Variants in LYRM4 observed in about 807,000 individuals in gnomAD.
LYRM4 encodes the protein LYR motif containing 4, also known as LYR motif-containing protein 4.
A neutral mutation model predicts 11.7 loss-of-function variants in LYRM4; 9 were observed. That is an observed-to-expected ratio of 0.77 (90% CI 0.46 to 1.34). The LOEUF (loss-of-function observed/expected upper bound fraction) is 1.34. Ranked by LOEUF, LYRM4 falls within the 40% of genes most tolerant of loss-of-function variation. The pLI is 0.00. For synonymous variants in LYRM4, 42 were observed against 40.4 expected, an observed-to-expected ratio of 1.04 and a Z score of -0.15; for missense variants, 133 against 112.5, an observed-to-expected ratio of 1.18 and a Z score of -0.82.
At chr6:5,116,952 G>A (rs2127597768) in intron 2 of LYRM4, among the ~76,000 whole-genome samples, 1 of 152,352 alleles carries the variant, frequency 6.6e-6, no homozygotes. Context: ...TCTGATGGGG[G>A]TCCCAGAAGC....
intron 2 of LYRM4, among the ~76,000 whole-genome samples, chr6:5,147,969 G>A (rs940515743): frequency 1.3e-5 from 2 of 152,096 alleles, no homozygotes; most frequent in South Asian, 2.1e-4. Flanking sequence ...CACATGGAGC[G>A]GGAAAACAAT....
chr6:5,246,155 G>A (rs558092916), intron 1 of LYRM4, among the ~76,000 whole-genome samples: 8 of 152,314 alleles, frequency 5.3e-5, no homozygotes, highest in Admixed American at 4.6e-4. Context: ...GAAGGAAAGT[G>A]TGTTCCAAAC....
At chr6:5,177,319 A>G (rs886141350) in intron 2 of LYRM4, among the ~76,000 whole-genome samples, 2 of 152,270 alleles carry the variant, frequency 1.3e-5, no homozygotes, top group South Asian at 4.1e-4. Context: ...TAATGCAGTA[A>G]CAGTTAGGGA....
At chr6:5,083,679 C>T in the LYRM4 span, among the ~76,000 whole-genome samples, 1 of 152,168 alleles carries the variant, frequency 6.6e-6, no homozygotes, top group Non-Finnish European at 1.5e-5. Flanking sequence ...TGTAGGTGCT[C>T]AGTCAATCAA....
rs149111475 is a variant in LYRM4 at position 5,185,707 on chromosome 6, G to A, written c.207+30911C>T. Among the ~76,000 whole-genome samples, 96 of 152,258 alleles carry A rather than the reference G, an allele frequency of 6.3e-4. 3 individuals carry two copies. Among genetic ancestry groups the A allele is most frequent in the African/African-American group, 2.2e-3 (90 of 41,546 alleles). On this transcript the variant is annotated intron_variant, in intron 2 of 2. Transcript: ENST00000330636. ...CAGAGATCTGAACCCAGGCTTGTCC[G>A]GTTTCAACACCTGTGCTCTGAACCA...
At chr6:5,179,237 A>C (rs1759930762) in intron 2 of LYRM4, among the ~76,000 whole-genome samples, 1 of 152,210 alleles carries the variant, frequency 6.6e-6, no homozygotes, top group African/African-American at 2.4e-5. Flanking sequence ...TATTTTTTAA[A>C]AAGTGTTTAA....
intron 1 of LYRM4, among the ~76,000 whole-genome samples, chr6:5,249,384 T>C (rs887746936): frequency 2.6e-5 from 4 of 152,194 alleles, no homozygotes; most frequent in Admixed American, 2.6e-4. Flanking sequence ...TAAGTCAAAG[T>C]AGTTCAGGAG....
At chr6:5,085,532 C>T in the LYRM4 span, 2 of 1,539,332 alleles carry the variant, frequency 1.3e-6, no homozygotes, top group Admixed American at 3.9e-5. Flanking sequence ...CCGGGACCAG[C>T]GCCCTTCCGA....
chr6:5,252,190 T>A (rs551459856), intron 1 of LYRM4, among the ~76,000 whole-genome samples: 1 of 152,190 alleles, frequency 6.6e-6, no homozygotes, highest in Non-Finnish European at 1.5e-5. Context: ...CAGGTTGATG[T>A]TTCTACAGAT....
chr6:5,246,502 C>T (rs1764203331), intron 1 of LYRM4, among the ~76,000 whole-genome samples: 1 of 152,156 alleles, frequency 6.6e-6, no homozygotes, highest in Non-Finnish European at 1.5e-5. Flanking sequence ...TCCTAGTGCC[C>T]AGCACACAGC....
chr6:5,083,189 G>A, the LYRM4 span, among the ~76,000 whole-genome samples: 22 of 152,328 alleles, frequency 1.4e-4, no homozygotes, highest in South Asian at 4.6e-3. Flanking sequence ...GAGTGAGCAT[G>A]TGCCCCCGTG....
intron 2 of LYRM4, among the ~76,000 whole-genome samples, chr6:5,149,145 GA>G (rs1757947806): frequency 6.6e-6 from 1 of 152,166 alleles, no homozygotes; most frequent in Non-Finnish European, 1.5e-5. Context: ...AATATTCAAT[GA>G]AATTTCCATC....
chr6:5,229,890 C>T (rs1763130385), intron 1 of LYRM4, among the ~76,000 whole-genome samples: 1 of 152,152 alleles, frequency 6.6e-6, no homozygotes, highest in Non-Finnish European at 1.5e-5. Context: ...TATTTCTGCC[C>T]AGGCGTCCTT....
chr6:5,188,433 A>C (rs1486796060), intron 2 of LYRM4, among the ~76,000 whole-genome samples: 2 of 152,218 alleles, frequency 1.3e-5, no homozygotes, highest in African/African-American at 4.8e-5. Context: ...CACAAATTTC[A>C]GAAAGATTAA....
intron 1 of LYRM4, among the ~76,000 whole-genome samples, chr6:5,247,536 T>G (rs1270127036): frequency 1.3e-5 from 2 of 152,220 alleles, no homozygotes; most frequent in African/African-American, 4.8e-5. Flanking sequence ...GAATCAGATG[T>G]GGAGGAGAGT....
At chr6:5,180,540 T>C (rs967753272) in intron 2 of LYRM4, among the ~76,000 whole-genome samples, 14 of 152,186 alleles carry the variant, frequency 9.2e-5, no homozygotes, top group African/African-American at 2.9e-4. Flanking sequence ...TAGAACATAT[T>C]TGAGCCCTAG....
rs150581317 is a variant in LYRM4 at position 5,139,782 on chromosome 6, C to A, written c.208-30291G>T. On this transcript the variant is annotated intron_variant, in intron 2 of 2. Transcript: ENST00000330636. ...CCGTACATCACTTTCCTTTTTTTGC[C>A]TATAATTTTTCTTCCAGGCTGGGGC... is the stretch of plus-strand genomic sequence containing the variant. Among the ~76,000 whole-genome samples, 194 of 151,816 alleles carry A rather than the reference C, an allele frequency of 1.3e-3. 2 individuals carry two copies. Among genetic ancestry groups the A allele is most frequent in the East Asian group, 2.9e-3 (15 of 5,150 alleles).
At chr6:5,226,834 A>G (rs56034435) in intron 1 of LYRM4, among the ~76,000 whole-genome samples, 7,481 of 152,290 alleles carry the variant, frequency 0.049, 600 homozygotes, top group African/African-American at 0.16. Flanking sequence ...AATTACTACA[A>G]TAACAGTTAT....
chr6:5,053,481 A>T, the LYRM4 span, among the ~76,000 whole-genome samples: 10,668 of 151,942 alleles, frequency 0.07, 412 homozygotes, highest in East Asian at 0.13. Context: ...AGAGAAAGAA[A>T]ACTGGTGAGG....
Sources: gnomAD v4.1 joint callset for allele counts (sites outside exome capture counted in the v4.1 genomes callset) on GRCh38, gnomAD v4.1.1 for gene constraint, MANE v1.5 for transcripts, NCBI Gene and HGNC (gene_info 2026-07-23, HGNC 2026-07-21) for gene names.